The following VAV2 variants were observed in gnomAD, a reference collection of about 807,000 sequenced individuals.
VAV2 encodes vav guanine nucleotide exchange factor 2.
Under a neutral mutation model 132.5 loss-of-function variants are expected in VAV2, and 67 were observed. The observed-to-expected ratio is 0.51, with a 90% CI of 0.42 to 0.62. The LOEUF is 0.62. Among genes scored for constraint, VAV2 ranks in the 20% least tolerant of loss-of-function variants. The probability of loss-of-function intolerance (pLI) is 0.00; values close to 1 mark genes in which losing one functional copy is unlikely to be tolerated. For missense variants in VAV2, 938 were observed against 1,153.6 expected, an observed-to-expected ratio of 0.81 and a Z score of 2.71; for synonymous variants, 492 against 443.5, an observed-to-expected ratio of 1.11 and a Z score of -1.37.
rs903446316 is a variant in VAV2, at chr9:133,834,044, A to G, written c.449+228T>C. ...GCTGGGCAGCCTTCTAGAATGTACA[A>G]GGGATATGAAGATCTGCTCATGTCT... On this transcript the variant is annotated intron_variant, in intron 4 of 29. Coordinates refer to ENST00000371850, the MANE Select transcript of VAV2 (RefSeq NM_001134398.2). This position sits in a 1 kb window ranked among gnomAD's most constrained non-coding sequence, Gnocchi z 5.9. Among the ~76,000 whole-genome samples the G allele has an allele frequency of 6.6e-6, 1 of 152,194 alleles. No homozygotes were observed. The highest frequency in any genetic ancestry group is 2.4e-5 in the African/African-American group (1 of 41,440).
chr9:133,851,828 G>T (rs1173903816), intron 3 of VAV2, among the ~76,000 whole-genome samples: 1 of 149,784 alleles, frequency 6.7e-6, no homozygotes, highest in Admixed American at 6.6e-5. Flanking sequence ...TGGATGGATG[G>T]ATGGATGCAC....
At position 133,863,197 on chromosome 9, in the gene VAV2, G is replaced by A. The variant is rs1350430068; in HGVS notation, c.322-1765C>T. ...TGCTGTACGTCCTTACAGTTATTTG[G>A]AAGAATGTTAGATCCCAAAGGGTTT... On this transcript the variant is annotated intron_variant, in intron 2 of 29. Transcript: ENST00000371850. This position sits in a 1 kb window ranked among gnomAD's most constrained non-coding sequence, Gnocchi z 5.0. Among the ~76,000 whole-genome samples the A allele has an allele frequency of 1.3e-5, 2 of 152,216 alleles. No individual in the cohort carries two copies. The highest frequency in any genetic ancestry group is 2.9e-5 in the Non-Finnish European group (2 of 68,046).
chr9:133,832,954 C>T (rs1836320326), intron 4 of VAV2, among the ~76,000 whole-genome samples: 1 of 152,122 alleles, frequency 6.6e-6, no homozygotes, highest in Non-Finnish European at 1.5e-5. Context: ...CTGCATGGCC[C>T]CTGTGCCCAT....
chr9:133,865,097 G>A (rs1837749079), intron 2 of VAV2, among the ~76,000 whole-genome samples: 1 of 152,174 alleles, frequency 6.6e-6, no homozygotes, highest in African/African-American at 2.4e-5. Context: ...CCACGTGATG[G>A]GTCCTTCCGC....
At chr9:133,850,818 TCAAA>T (rs1837137821) in intron 3 of VAV2, among the ~76,000 whole-genome samples, 1 of 152,218 alleles carries the variant, frequency 6.6e-6, no homozygotes, top group South Asian at 2.1e-4. Flanking sequence ...AGGCTCTTCC[TCAAA>T]CAGAGGGTTC....
In VAV2 at chr9:133,992,120, G is replaced by A. The variant is rs529382438; in HGVS notation, c.159C>T (p.Gly53=). 1.3e-6 allele frequency: 2 copies of A among 1,592,910 alleles called. No individual in the cohort carries two copies. Among genetic ancestry groups the A allele is most frequent in the South Asian group, 2.2e-5 (2 of 88,980 alleles). The part of the protein sequence containing the change: ...LCQLLHNLSP[G]SIDLKDINFR... The stretch of plus-strand genomic sequence containing the variant: ...AGTTGATGTCCTTGAGGTCGATGGA[G>A]CCGGGGGAGAGGTTGTGCAGCAGCT... The change falls in exon 1 of 30, where the codon GGC becomes GGT. Residue 53 remains glycine (G), a synonymous_variant. Coordinates refer to ENST00000371850, the MANE Select transcript of VAV2 (RefSeq NM_001134398.2). This position sits in a 1 kb window ranked among gnomAD's most constrained non-coding sequence, Gnocchi z 5.5.
At chr9:133,942,716 C>A (rs1190145299) in intron 1 of VAV2, among the ~76,000 whole-genome samples, 1 of 152,216 alleles carries the variant, frequency 6.6e-6, no homozygotes, top group Non-Finnish European at 1.5e-5. Flanking sequence ...GCCCAGCGCA[C>A]CCCTTTCCCA....
chr9:133,838,819 A>G (rs955319860), intron 3 of VAV2, among the ~76,000 whole-genome samples: 1 of 107,812 alleles, frequency 9.3e-6, no homozygotes, highest in Non-Finnish European at 1.8e-5. Context: ...GGATGAATGG[A>G]TAGGTTGGTG....
Position 133,777,498 on chromosome 9 carries a change from C to T in VAV2, c.1891-35G>A. 1.2e-6 allele frequency: 2 copies of T among 1,602,984 alleles called. 1 individual carries two copies. The highest frequency in any genetic ancestry group is 2.2e-5 in the South Asian group (2 of 90,852). ...GAAAGAGATGGTTAGGACAAGGGGG[C>T]CGAGCCTGGCCTATGGGAGTGTGGG... On this transcript the variant is annotated intron_variant, in intron 22 of 29. Coordinates refer to ENST00000371850, the MANE Select transcript of VAV2 (RefSeq NM_001134398.2).
At chr9:133,923,054 A>G (rs1272850284) in intron 2 of VAV2, among the ~76,000 whole-genome samples, 1 of 152,250 alleles carries the variant, frequency 6.6e-6, no homozygotes, top group Admixed American at 6.5e-5. Context: ...ATATTCCTCC[A>G]AAGATGATGT....
intron 2 of VAV2, among the ~76,000 whole-genome samples, chr9:133,897,837 A>G (rs963083359): frequency 1.3e-5 from 2 of 152,152 alleles, no homozygotes; most frequent in Admixed American, 6.5e-5. Context: ...TGGAGTGAAG[A>G]AAAAACAACC....
intron 1 of VAV2, among the ~76,000 whole-genome samples, chr9:133,983,765 C>A (rs1842769775): frequency 6.6e-6 from 1 of 152,082 alleles, no homozygotes; most frequent in African/African-American, 2.4e-5. Flanking sequence ...CCGGTCAGTC[C>A]CTGTCACTAA....
chr9:133,921,595 T>C (rs1309095865), intron 2 of VAV2, among the ~76,000 whole-genome samples: 2 of 152,228 alleles, frequency 1.3e-5, no homozygotes, highest in African/African-American at 4.8e-5. Flanking sequence ...GAAACTCTAA[T>C]TGGGGATATA....
intron 4 of VAV2, among the ~76,000 whole-genome samples, chr9:133,815,247 G>A (rs1463302300): frequency 1.3e-5 from 2 of 152,042 alleles, no homozygotes; most frequent in African/African-American, 4.8e-5. Flanking sequence ...CCGGATCTAG[G>A]TACAAGTCCA....
In VAV2 at chr9:133,784,341, C is replaced by T. The variant is rs1157646248; in HGVS notation, c.1610G>A (p.Cys537Tyr). ...QMYTFDKTTN[C>Y]KACKMFLRGT... ...CCTGAGGAACATTTTGCAGGCTTTG[C>T]AGTTGGTGGTCTTGTCAAACGTGTA... is the stretch of plus-strand genomic sequence containing the variant. Residue 537 changes from cysteine (C) to tyrosine (Y), a missense_variant, in exon 18 of 30, where the codon TGC becomes TAC. Cys to Tyr is a radical substitution (Grantham distance 194, BLOSUM62 -2). Transcript: ENST00000371850. 6.2e-7 allele frequency: 1 copy of T among 1,614,180 alleles called. No homozygotes were observed. The highest frequency in any genetic ancestry group is 8.5e-7 in the Non-Finnish European group (1 of 1,180,006).
intron 16 of VAV2, among the ~76,000 whole-genome samples, chr9:133,786,789 A>AG (rs1261460035): frequency 6.6e-6 from 1 of 152,212 alleles, no homozygotes; most frequent in East Asian, 1.9e-4. Flanking sequence ...CAGAAAAAAG[A>AG]GTTTGGCAAA....
At chr9:133,815,704 T>C (rs538337159) in intron 4 of VAV2, among the ~76,000 whole-genome samples, 2 of 152,354 alleles carry the variant, frequency 1.3e-5, no homozygotes, top group East Asian at 3.9e-4. Context: ...TCCTTCTTTA[T>C]GGACATTTGG....
chr9:133,795,403 G>A (rs890230231), intron 12 of VAV2, among the ~76,000 whole-genome samples: 2 of 152,104 alleles, frequency 1.3e-5, no homozygotes, highest in African/African-American at 4.8e-5. Flanking sequence ...GCAGGGGGAG[G>A]GGAGGCTCAA....
At chr9:133,764,613 A>G (rs1833374419) in intron 29 of VAV2, among the ~76,000 whole-genome samples, 1 of 152,234 alleles carries the variant, frequency 6.6e-6, no homozygotes, top group Non-Finnish European at 1.5e-5. Context: ...ACTGAAACAT[A>G]CGATGAATGA....
Sources: allele counts gnomAD v4.1 joint callset (sites outside exome capture counted in the v4.1 genomes callset), GRCh38; gene constraint gnomAD v4.1.1; non-coding constraint Gnocchi (gnomAD v3.1); transcripts MANE v1.5; gene names NCBI Gene and HGNC (gene_info 2026-07-23, HGNC 2026-07-21).